Variants in OTOG observed in about 807,000 individuals in gnomAD.
OTOG encodes otogelin.
Under a neutral mutation model 313.8 loss-of-function variants are expected in OTOG, and 296 were observed. The observed-to-expected ratio is 0.94, with a 90% CI of 0.86 to 1.04. The LOEUF is 1.04. Among genes scored for constraint, OTOG ranks in the 50% least tolerant of loss-of-function variants. The pLI, the probability that OTOG is intolerant of heterozygous loss-of-function variation, is 0.00. For missense variants in OTOG, 3,948 were observed against 3,840.1 expected, an observed-to-expected ratio of 1.03 and a Z score of -0.74; for synonymous variants, 1,533 against 1,554.9, an observed-to-expected ratio of 0.99 and a Z score of 0.33.
intron 32 of OTOG, among the ~76,000 whole-genome samples, chr11:17,604,023 A>C (rs1853319952): frequency 6.6e-6 from 1 of 152,174 alleles, no homozygotes; most frequent in Non-Finnish European, 1.5e-5. Flanking sequence ...GGTAGGGACT[A>C]TTATTTTCCC....
rs925237259 is a variant in OTOG, at chr11:17,611,279, G to C, written c.5979G>C (p.Ser1993=). ...LPQLAEAHGT[S]AGPHLAAEPV... is the part of the protein sequence containing the mutation. Reference sequence around the variant, plus strand: ...AGCTGGCTGAGGCCCATGGAACCTCGGCAGGGCCTCACCTGGCAGCAGAGC... The same window carrying C: ...AGCTGGCTGAGGCCCATGGAACCTCCGCAGGGCCTCACCTGGCAGCAGAGC... Residue 1993 remains serine (S), a synonymous_variant, in exon 36 of 56, where the codon TCG becomes TCC. Coordinates refer to ENST00000399397, the MANE Select transcript of OTOG (RefSeq NM_001292063.2). 4.5e-6 allele frequency: 7 copies of C among 1,550,484 alleles called. No homozygotes were observed. Among genetic ancestry groups the C allele is most frequent in the Non-Finnish European group, 5.2e-6 (6 of 1,146,982 alleles).
chr11:17,576,820 C>T, intron 21 of OTOG, 48 bp from the exon 22 acceptor site: 1 of 1,546,002 alleles, frequency 6.5e-7, no homozygotes, highest in South Asian at 1.2e-5. Context: ...GTGTCTGGGT[C>T]CTGCAGTGAC....
chr11:17,636,006 C>A (rs565559694), intron 47 of OTOG, among the ~76,000 whole-genome samples: 1 of 152,336 alleles, frequency 6.6e-6, no homozygotes, highest in Non-Finnish European at 1.5e-5. Flanking sequence ...CCCCACAGCA[C>A]TGATAAGAAG....
chr11:17,564,637 T>C (rs1812654196), intron 15 of OTOG, among the ~76,000 whole-genome samples: 1 of 152,154 alleles, frequency 6.6e-6, no homozygotes, highest in Non-Finnish European at 1.5e-5. Flanking sequence ...TGCCCAGCAA[T>C]GGAGTGGAGT....
intron 39 of OTOG, among the ~76,000 whole-genome samples, chr11:17,623,216 G>T (rs1565123117): frequency 6.6e-6 from 1 of 152,088 alleles, no homozygotes; most frequent in Non-Finnish European, 1.5e-5. Context: ...CATATCGCAG[G>T]AGTTTGTTGT....
At chr11:17,588,456 C>T (rs1417993604) in intron 24 of OTOG, among the ~76,000 whole-genome samples, 1 of 152,092 alleles carries the variant, frequency 6.6e-6, no homozygotes, top group African/African-American at 2.4e-5. Context: ...TGGTCAGGCA[C>T]AGTGGGAGTA....
chr11:17,570,130 T>C, intron 16 of OTOG, 83 bp from the exon 17 acceptor site: 1 of 1,296,238 alleles, frequency 7.7e-7, no homozygotes, highest in East Asian at 2.5e-5. Context: ...CGTGGGAGTC[T>C]GAGCGGGCCA....
At chr11:17,592,003 A>G (rs971108005) in intron 25 of OTOG, among the ~76,000 whole-genome samples, 3 of 152,250 alleles carry the variant, frequency 2.0e-5, no homozygotes, top group African/African-American at 7.2e-5. Context: ...AAGGGAAGTT[A>G]GGTAACTTGC....
intron 51 of OTOG, among the ~76,000 whole-genome samples, chr11:17,641,419 T>C (rs1036596176): frequency 6.6e-6 from 1 of 152,210 alleles, no homozygotes; most frequent in African/African-American, 2.4e-5. Flanking sequence ...TGAGCACTTC[T>C]TCATGCCTAG....
chr11:17,561,018 G>A, intron 13 of OTOG, 73 bp from the exon 14 acceptor site: 1 of 1,482,744 alleles, frequency 6.7e-7, no homozygotes, highest in Non-Finnish European at 9.2e-7. Flanking sequence ...AGGGCTGTGG[G>A]CCCTGCAGTT....
intron 46 of OTOG, 34 bp downstream of exon 46, chr11:17,635,221 G>T: frequency 6.7e-7 from 1 of 1,498,436 alleles, no homozygotes. Context: ...AGCGCACACA[G>T]CCTGATCACA....
At chr11:17,631,954 A>C in intron 41 of OTOG, 32 bp downstream of exon 41, 1 of 1,546,086 alleles carries the variant, frequency 6.5e-7, no homozygotes, top group South Asian at 1.2e-5. Context: ...CACTGGGGAC[A>C]CCTCCTGGGC....
At chr11:17,599,961 C>T (rs960629801) in intron 31 of OTOG, among the ~76,000 whole-genome samples, 1 of 152,226 alleles carries the variant, frequency 6.6e-6, no homozygotes, top group African/African-American at 2.4e-5. Context: ...CAGGGCAGCC[C>T]CACCAGGAAG....
intron 6 of OTOG, among the ~76,000 whole-genome samples, chr11:17,555,372 T>C (rs1478097168): frequency 1.3e-5 from 2 of 151,950 alleles, no homozygotes; most frequent in African/African-American, 2.4e-5. Context: ...TTATGGGGTG[T>C]GTATAGATGT....
At chr11:17,632,531 G>A (rs979506923) in intron 42 of OTOG, among the ~76,000 whole-genome samples, 2 of 152,050 alleles carry the variant, frequency 1.3e-5, no homozygotes, top group African/African-American at 4.8e-5. Context: ...TCTGTAAGTG[G>A]AGACTGTAAC....
At position 17,611,139 on chromosome 11, in the gene OTOG, G is replaced by A; in HGVS notation, c.5839G>A (p.Ala1947Thr). Residue 1947 changes from alanine (A) to threonine (T), a missense_variant, in exon 36 of 56, where the codon GCT becomes ACT. Ala to Thr is a moderately conservative substitution (Grantham distance 58). Coordinates refer to ENST00000399397, the MANE Select transcript of OTOG (RefSeq NM_001292063.2). ...ATSHPLTPLV[A>T]EPEGAQAGTA... ...GAGCCACCCTCTCACGCCCTTGGTG[G>A]CTGAGCCCGAGGGAGCCCAGGCAGG... The A allele has an allele frequency of 6.4e-7, 1 of 1,550,450 alleles. No individual in the cohort carries two copies. Among genetic ancestry groups the A allele is most frequent in the South Asian group, 1.2e-5 (1 of 84,054 alleles).
intron 39 of OTOG, among the ~76,000 whole-genome samples, chr11:17,626,729 A>C (rs1853994056): frequency 6.6e-6 from 1 of 152,210 alleles, no homozygotes; most frequent in South Asian, 2.1e-4. Flanking sequence ...CATTTTAACA[A>C]CATTGATTCT....
intron 40 of OTOG, among the ~76,000 whole-genome samples, chr11:17,631,203 T>C (rs1854113298): frequency 6.6e-6 from 1 of 152,220 alleles, no homozygotes; most frequent in African/African-American, 2.4e-5. Flanking sequence ...ACAGTTGTTA[T>C]AATCAGCTAG....
At chr11:17,627,006 G>A (rs1306810972) in intron 39 of OTOG, among the ~76,000 whole-genome samples, 1 of 152,146 alleles carries the variant, frequency 6.6e-6, no homozygotes, top group Admixed American at 6.5e-5. Context: ...ATCAGTTCTA[G>A]TAGTTTTTTG....
Sources: gnomAD v4.1 joint callset for allele counts (sites outside exome capture counted in the v4.1 genomes callset) on GRCh38, gnomAD v4.1.1 for gene constraint, MANE v1.5 for transcripts, NCBI Gene and HGNC (gene_info 2026-07-23, HGNC 2026-07-21) for gene names.